The following PTPN13 variants were observed in gnomAD, a reference collection of about 807,000 sequenced individuals.
PTPN13 encodes the protein tyrosine-protein phosphatase non-receptor type 13.
Under a neutral mutation model 284.0 loss-of-function variants are expected in PTPN13, and 191 were observed. That is an observed-to-expected ratio of 0.67 (90% CI 0.60 to 0.76). The LOEUF is 0.76. Among genes scored for constraint, PTPN13 ranks in the 30% least tolerant of loss-of-function variants. The probability of loss-of-function intolerance (pLI) is 0.00; values close to 1 mark genes in which losing one functional copy is unlikely to be tolerated. For synonymous variants in PTPN13, 986 were observed against 1,022.3 expected (o/e 0.96, Z 0.68); for missense variants, 2,797 against 2,939.9 (o/e 0.95, Z 1.12).
intron 6 of PTPN13, among the ~76,000 whole-genome samples, chr4:86,700,750 A>T (rs1166809047): frequency 6.6e-6 from 1 of 152,208 alleles, no homozygotes; most frequent in African/African-American, 2.4e-5. Flanking sequence ...TCCTATTTCC[A>T]TCCAGAATAT....
At chr4:86,710,703 T>G (rs1732294161) in intron 7 of PTPN13, among the ~76,000 whole-genome samples, 2 of 152,214 alleles carry the variant, frequency 1.3e-5, no homozygotes, top group South Asian at 4.1e-4. Context: ...TTTTCATTGT[T>G]GCTGTATAAA....
Position 86,809,865 on chromosome 4 carries a change from T to C in PTPN13, c.7180T>C (p.Tyr2394His). 1 of 1,614,016 alleles carries C rather than the reference T, an allele frequency of 6.2e-7. No homozygotes were observed. Among genetic ancestry groups the C allele is most frequent in the South Asian group, 1.1e-5 (1 of 91,082 alleles). The change falls in exon 46 of 48, where the codon TAC becomes CAC. Residue 2394 changes from tyrosine (Y) to histidine (H), a missense_variant. By Grantham distance (83) the Tyr-to-His change is moderately conservative. Coordinates refer to ENST00000411767, the MANE Select transcript of PTPN13 (RefSeq NM_080683.3). Reference protein sequence around the residue: ...QPDDLLTFISYMRHIHRSGPI... With the variant: ...QPDDLLTFISHMRHIHRSGPI... ...AGATGATCTGCTTACTTTTATCTCC[T>C]ACATGAGACACATCCACAGATCAGG...
intron 7 of PTPN13, among the ~76,000 whole-genome samples, chr4:86,709,957 TA>T (rs1732199124): frequency 6.6e-6 from 1 of 152,316 alleles, no homozygotes. Flanking sequence ...TCACCCAGGT[TA>T]AAAATTTTAT....
chr4:86,642,479 G>A (rs1287674545), intron 2 of PTPN13, among the ~76,000 whole-genome samples: 3 of 103,046 alleles, frequency 2.9e-5, no homozygotes, highest in Non-Finnish European at 5.3e-5. Context: ...TTGAGATGGA[G>A]TCTCACTCTG....
chr4:86,701,338 G>T lies in PTPN13; in HGVS notation c.732G>T (p.Leu244=). 1 of 1,612,300 alleles carries T rather than the reference G, an allele frequency of 6.2e-7. No individual in the cohort carries two copies. The highest frequency in any genetic ancestry group is 8.5e-7 in the Non-Finnish European group (1 of 1,178,708). ...GGCTTAGTAAATCTATGGGATTTCT[G>T]TCCATCAAAGATACACAAGATGAGA... The part of the protein sequence containing the change: ...NKGLSKSMGF[L]SIKDTQDENY... The change falls in exon 7 of 48, where the codon CTG becomes CTT. Residue 244 remains leucine, a synonymous_variant. Transcript: ENST00000411767.
intron 10 of PTPN13, among the ~76,000 whole-genome samples, chr4:86,727,155 G>C (rs969704755): frequency 2.3e-4 from 35 of 149,604 alleles, no homozygotes; most frequent in African/African-American, 8.3e-4. Context: ...GCATGCCAGG[G>C]ATGAAGCCCA....
Position 86,734,280 on chromosome 4 carries a change from A to C in PTPN13, c.1859-23A>C, listed in dbSNP as rs1433598527. The stretch of plus-strand genomic sequence containing the variant: ...CTAAAGTATTTTTTTATTTTATCTG[A>C]ATATTTTTCTCATTCTGTTTAGATA... On this transcript the variant is annotated intron_variant, in intron 12 of 47. Coordinates refer to ENST00000411767, the MANE Select transcript of PTPN13 (RefSeq NM_080683.3). 7.1e-6 allele frequency: 10 copies of C among 1,411,774 alleles called. No homozygotes were observed. In the South Asian group the frequency reaches 1.5e-4, roughly 21 times the overall value. 87.5% of individuals were successfully genotyped at this position (1,411,774 alleles called of 1,614,324 possible). A position where few individuals can be genotyped will look rare whatever the true frequency, so the allele number is the denominator to read the frequency against.
At chr4:86,800,993 T>C (rs937674650) in intron 42 of PTPN13, among the ~76,000 whole-genome samples, 1 of 152,234 alleles carries the variant, frequency 6.6e-6, no homozygotes, top group Non-Finnish European at 1.5e-5. Context: ...CCAGCATCAT[T>C]GCTGCCTATA....
At chr4:86,679,123 T>C (rs1245471421) in intron 3 of PTPN13, among the ~76,000 whole-genome samples, 1 of 152,226 alleles carries the variant, frequency 6.6e-6, no homozygotes, top group East Asian at 1.9e-4. Context: ...TTTACTTTAG[T>C]GTCTGAGATA....
intron 42 of PTPN13, among the ~76,000 whole-genome samples, chr4:86,800,921 C>T (rs867437484): frequency 6.6e-6 from 1 of 152,154 alleles, no homozygotes; most frequent in Non-Finnish European, 1.5e-5. Context: ...CCCAGCCAAC[C>T]TCTGCCCGAG....
intron 1 of PTPN13, among the ~76,000 whole-genome samples, chr4:86,610,344 A>G (rs1163792519): frequency 2.0e-5 from 3 of 152,252 alleles, no homozygotes; most frequent in Non-Finnish European, 2.9e-5. Flanking sequence ...GTATCTTTCT[A>G]GGAATCTATC....
chr4:86,602,345 A>C (rs1764365509), intron 1 of PTPN13, among the ~76,000 whole-genome samples: 1 of 152,156 alleles, frequency 6.6e-6, no homozygotes, highest in African/African-American at 2.4e-5. Context: ...ATGATAACCA[A>C]GCCTACTTTA....
At chr4:86,603,296 G>C (rs887583975) in intron 1 of PTPN13, among the ~76,000 whole-genome samples, 3 of 148,824 alleles carry the variant, frequency 2.0e-5, no homozygotes, top group African/African-American at 7.5e-5. Context: ...CCCTTCTGAA[G>C]TGTCTATTTA....
intron 2 of PTPN13, among the ~76,000 whole-genome samples, chr4:86,660,398 T>G (rs1726343577): frequency 6.6e-6 from 1 of 151,764 alleles, no homozygotes; most frequent in Non-Finnish European, 1.5e-5. Flanking sequence ...TTCCTGAGGT[T>G]TTTTTTTAAA....
At chr4:86,614,650 G>C (rs892609123) in intron 1 of PTPN13, among the ~76,000 whole-genome samples, 14 of 152,104 alleles carry the variant, frequency 9.2e-5, no homozygotes, top group Admixed American at 2.0e-4. Flanking sequence ...ATAAGGTTGT[G>C]TTGTCTTGCC....
intron 1 of PTPN13, among the ~76,000 whole-genome samples, chr4:86,619,091 C>T (rs960018014): frequency 2.6e-5 from 4 of 152,108 alleles, no homozygotes; most frequent in African/African-American, 9.7e-5. Flanking sequence ...CACTCTCTCA[C>T]AATGCCAATC....
Position 86,809,950 on chromosome 4 carries a change from A to G in PTPN13, c.7265A>G (p.Asp2422Gly). 1 of 1,613,916 alleles carries G rather than the reference A, an allele frequency of 6.2e-7. No individual in the cohort carries two copies. The highest frequency in any genetic ancestry group is 8.5e-7 in the Non-Finnish European group (1 of 1,179,878). ...CGTTCAGGGACCCTGATTTGCATAG[A>G]TGTGGTTCTGGGATTAATCAGTCAG... ...IGRSGTLICI[D>G]VVLGLISQDL... is the part of the protein sequence containing the mutation. The change falls in exon 46 of 48, where the codon GAT (aspartate) becomes GGT (glycine). Residue 2422 changes from aspartate to glycine, a missense_variant. Asp to Gly is a moderately conservative substitution (Grantham distance 94). Transcript: ENST00000411767.
intron 7 of PTPN13, among the ~76,000 whole-genome samples, chr4:86,711,588 A>C (rs1215312762): frequency 6.6e-6 from 1 of 152,138 alleles, no homozygotes; most frequent in African/African-American, 2.4e-5. Context: ...TGTAACTGAA[A>C]ACTAAAGTAC....
intron 10 of PTPN13, among the ~76,000 whole-genome samples, chr4:86,724,201 CTG>C (rs1393759396): frequency 1.3e-5 from 2 of 152,112 alleles, no homozygotes; most frequent in African/African-American, 4.8e-5. Flanking sequence ...TAAAATATAA[CTG>C]AACATATTTC....
Sources: gnomAD v4.1 joint callset for allele counts (sites outside exome capture counted in the v4.1 genomes callset) on GRCh38, gnomAD v4.1.1 for gene constraint, MANE v1.5 for transcripts, NCBI Gene and HGNC (gene_info 2026-07-23, HGNC 2026-07-21) for gene names.